The following LIN9 variants were observed in gnomAD, a reference collection of about 807,000 sequenced individuals.
LIN9 encodes lin-9 DREAM MuvB core complex component.
LIN9 carries 18 observed loss-of-function variants against 78.0 expected under a neutral mutation model. The observed-to-expected ratio is 0.23, with a 90% CI of 0.16 to 0.34. LIN9 has a LOEUF of 0.34. Among genes scored for constraint, LIN9 ranks in the 10% least tolerant of loss-of-function variants. The probability of loss-of-function intolerance (pLI) is 1.00; values close to 1 mark genes in which losing one functional copy is unlikely to be tolerated. For missense variants in LIN9, 451 were observed against 644.1 expected, an observed-to-expected ratio of 0.70 and a Z score of 3.25; for synonymous variants, 192 against 215.2, an observed-to-expected ratio of 0.89 and a Z score of 0.94.
In LIN9 at chr1:226,250,800, T is replaced by A. The variant is rs779460441; in HGVS notation, c.1119+39A>T. ...ATAGATGGTCTCACTATTTTAAAAT[T>A]AGACAAGCAAATGAAGAAAAAAAAA... On this transcript the variant is annotated intron_variant, in intron 11 of 14. Coordinates refer to ENST00000681046, the MANE Select transcript of LIN9 (RefSeq NM_001366245.2). 27 of 1,058,176 alleles carry A rather than the reference T, an allele frequency of 2.6e-5. 1 individual carries two copies. The South Asian group carries it at 3.4e-4, about 14-fold the overall frequency. The allele number at this position is 1,058,176 out of a possible 1,614,324, so 65.5% of individuals were successfully genotyped here.
chr1:226,254,802 T>G (rs969688473), intron 10 of LIN9, among the ~76,000 whole-genome samples: 1 of 150,590 alleles, frequency 6.6e-6, no homozygotes, highest in African/African-American at 2.5e-5. Context: ...TCCCAGCTAC[T>G]CGGGAGGCTG....
In LIN9 at chr1:226,252,317, T is replaced by TG. The variant is rs201841383; in HGVS notation, c.1039-1399_1039-1398insC. ...ATAAATAAATAAATAAATAAATAAA[T>TG]AAATGAATGAATGAATGAATGTCTC... On this transcript the variant is annotated intron_variant, in intron 10 of 14. Transcript: ENST00000681046. Among the ~76,000 whole-genome samples, 1,096 of 150,530 alleles carry TG rather than the reference T, an allele frequency of 7.3e-3. 12 individuals are homozygous for TG. The highest frequency in any genetic ancestry group is 0.017 in the African/African-American group (688 of 40,916).
At chr1:226,279,577 A>C (rs1455440908) in intron 6 of LIN9, among the ~76,000 whole-genome samples, 1 of 148,204 alleles carries the variant, frequency 6.7e-6, no homozygotes, top group East Asian at 2.0e-4. Flanking sequence ...AGCCTGGGCA[A>C]CATGGTGAAA....
chr1:226,294,195 C>T (rs980781163), intron 4 of LIN9, among the ~76,000 whole-genome samples: 22 of 149,952 alleles, frequency 1.5e-4, no homozygotes, highest in Non-Finnish European at 1.2e-4. Context: ...ATAGTCCCAG[C>T]TACTTGGGAG....
At chr1:226,290,053 T>G (rs943094557) in intron 4 of LIN9, among the ~76,000 whole-genome samples, 8 of 151,956 alleles carry the variant, frequency 5.3e-5, no homozygotes, top group African/African-American at 1.9e-4. Context: ...CTTAAAATAT[T>G]TTAAAATCCC....
At chr1:226,293,409 T>C (rs1661917708) in intron 4 of LIN9, among the ~76,000 whole-genome samples, 1 of 152,220 alleles carries the variant, frequency 6.6e-6, no homozygotes, top group Non-Finnish European at 1.5e-5. Context: ...TCTGTATGTT[T>C]GTGAATCATC....
At chr1:226,260,702 T>C (rs947273359) in intron 10 of LIN9, among the ~76,000 whole-genome samples, 1 of 125,846 alleles carries the variant, frequency 7.9e-6, no homozygotes, top group Non-Finnish European at 1.6e-5. Flanking sequence ...CGGAGTGCAG[T>C]GGCACGAACT....
intron 11 of LIN9, 88 bp downstream of exon 11, chr1:226,250,751 A>G: frequency 2.9e-6 from 2 of 688,774 alleles, no homozygotes; most frequent in South Asian, 3.4e-5. Flanking sequence ...GTTTCCTTCC[A>G]TAGATATTTT....
At chr1:226,245,871 T>G (rs1043639378) in intron 11 of LIN9, among the ~76,000 whole-genome samples, 1 of 152,206 alleles carries the variant, frequency 6.6e-6, no homozygotes, top group African/African-American at 2.4e-5. Context: ...CCAGCCCCAA[T>G]TAAACATTTT....
upstream of LIN9, chr1:226,309,339 C>T: frequency 6.0e-6 from 6 of 993,766 alleles, no homozygotes; most frequent in Non-Finnish European, 7.2e-6. Context: ...AGGGGGGCCG[C>T]GCCTCGCCCC....
intron 1 of LIN9, among the ~76,000 whole-genome samples, chr1:226,308,084 T>C (rs909186188): frequency 6.6e-6 from 1 of 152,240 alleles, no homozygotes; most frequent in Admixed American, 6.5e-5. Context: ...GCCTTGTGCA[T>C]AGATAAGATT....
intron 1 of LIN9, among the ~76,000 whole-genome samples, chr1:226,306,371 C>T (rs1346858370): frequency 1.3e-5 from 2 of 151,632 alleles, no homozygotes; most frequent in Non-Finnish European, 2.9e-5. Flanking sequence ...CAAAGAAAAT[C>T]TCTAGGTTTC....
At chr1:226,250,318 GA>G (rs1365527664) in intron 11 of LIN9, among the ~76,000 whole-genome samples, 1 of 152,070 alleles carries the variant, frequency 6.6e-6, no homozygotes, top group East Asian at 1.9e-4. Context: ...TACTTATTCT[GA>G]AACATTTTTT....
intron 3 of LIN9, among the ~76,000 whole-genome samples, chr1:226,297,112 A>G (rs981689674): frequency 1.3e-5 from 2 of 152,122 alleles, no homozygotes; most frequent in South Asian, 2.1e-4. Flanking sequence ...AGAGGAAGGG[A>G]ATGAAGATGA....
intron 10 of LIN9, among the ~76,000 whole-genome samples, chr1:226,261,740 C>T (rs376534378): frequency 2.6e-5 from 4 of 152,064 alleles, no homozygotes; most frequent in African/African-American, 9.7e-5. Flanking sequence ...AAAATCCCAG[C>T]GAGTTGTTTT....
intron 4 of LIN9, among the ~76,000 whole-genome samples, chr1:226,295,309 C>T (rs1019863142): frequency 2.6e-5 from 4 of 151,784 alleles, no homozygotes; most frequent in South Asian, 4.2e-4. Flanking sequence ...ATCAGCTGGG[C>T]GTGGTGGTGT....
chr1:226,254,951 A>T (rs1371242386), intron 10 of LIN9, among the ~76,000 whole-genome samples: 2 of 151,228 alleles, frequency 1.3e-5, no homozygotes, highest in African/African-American at 2.4e-5. Flanking sequence ...CACTTCTTAG[A>T]TCTCTAAGAA....
chr1:226,273,318 T>C (rs1464501329), intron 7 of LIN9, among the ~76,000 whole-genome samples: 1 of 142,826 alleles, frequency 7.0e-6, no homozygotes, highest in Non-Finnish European at 1.5e-5. Flanking sequence ...AGTGCTGTGG[T>C]ATAATCACTG....
chr1:226,285,099 G>A (rs1474175216), intron 6 of LIN9, among the ~76,000 whole-genome samples: 2 of 152,092 alleles, frequency 1.3e-5, no homozygotes, highest in Non-Finnish European at 2.9e-5. Flanking sequence ...ATAATGTTAT[G>A]GTAAGAGAAT....
Sources: gnomAD v4.1 joint callset for allele counts (sites outside exome capture counted in the v4.1 genomes callset) on GRCh38, gnomAD v4.1.1 for gene constraint, MANE v1.5 for transcripts, NCBI Gene and HGNC (gene_info 2026-07-23, HGNC 2026-07-21) for gene names.